GNB1L: variants seen among roughly 807,000 people sequenced by gnomAD.
The protein encoded by GNB1L is G protein subunit beta 1 like.
A neutral mutation model predicts 29.1 loss-of-function variants in GNB1L; 20 were observed. The ratio of observed to expected loss-of-function variants is 0.69; its 90% confidence interval spans 0.48 to 1.00. The LOEUF is 1.00. Ranked by LOEUF, GNB1L falls within the 50% of genes least tolerant of loss-of-function variation. The pLI is 0.00. For synonymous variants in GNB1L, 193 were observed against 206.5 expected (o/e 0.93, Z 0.56); for missense variants, 421 against 464.9 (o/e 0.91, Z 0.87).
chr22:19,790,585 G>C (rs1937242867), intron 7 of GNB1L, among the ~76,000 whole-genome samples: 1 of 152,204 alleles, frequency 6.6e-6, no homozygotes, highest in Non-Finnish European at 1.5e-5. Flanking sequence ...GCAAAGACAG[G>C]AGGATTGCTT....
intron 2 of GNB1L, among the ~76,000 whole-genome samples, chr22:19,835,660 C>T (rs919893006): frequency 4.0e-5 from 6 of 151,134 alleles, no homozygotes; most frequent in African/African-American, 1.2e-4. Flanking sequence ...GGCGACAGAG[C>T]GAGACTCTGT....
chr22:19,839,437 C>T (rs761610784), intron 2 of GNB1L, among the ~76,000 whole-genome samples: 9 of 152,020 alleles, frequency 5.9e-5, no homozygotes, highest in Non-Finnish European at 1.2e-4. Flanking sequence ...TATATACCTA[C>T]GGGAAAGTTT....
intron 7 of GNB1L, among the ~76,000 whole-genome samples, chr22:19,794,427 G>T (rs1033003315): frequency 2.6e-5 from 4 of 152,158 alleles, no homozygotes; most frequent in African/African-American, 7.2e-5. Flanking sequence ...CTTTGAGAAG[G>T]TTGCACACTC....
In GNB1L at chr22:19,788,218, A is replaced by G; in HGVS notation, c.*491T>C. The G allele has an allele frequency of 3.4e-6, 1 of 290,054 alleles. No individual in the cohort carries two copies. The highest frequency in any genetic ancestry group is 6.5e-6 in the Non-Finnish European group (1 of 154,170). The allele number at this position is 290,054 out of a possible 1,614,324, so 18.0% of individuals were successfully genotyped here. A position where few individuals can be genotyped will look rare whatever the true frequency, so the allele number is the denominator to read the frequency against. Reference sequence around the variant, plus strand: ...CCTGGCCTCCTCGGGGTGAGGGGTCATGTGGACATCGACGCAGCTATGGTT... The same window carrying G: ...CCTGGCCTCCTCGGGGTGAGGGGTCGTGTGGACATCGACGCAGCTATGGTT... On this transcript the variant is annotated 3_prime_UTR_variant, in exon 8 of 8. Transcript: ENST00000329517.
rs770713977 is a variant in GNB1L at position 19,802,183 on chromosome 22, C to A, written c.550G>T (p.Gly184Cys). The stretch of plus-strand genomic sequence containing the variant: ...AGGACCACCGATCCATCCTCATAGC[C>A]GGCCAGAAGGAGTGGGCGGGAGCTG... ...DCSSRPLLLA[G>C]YEDGSVVLWD... The change falls in exon 7 of 8, where the codon GGC becomes TGC. Residue 184 changes from glycine (G) to cysteine (C), a missense_variant. Gly to Cys is a radical substitution (Grantham distance 159). Coordinates refer to ENST00000329517, the MANE Select transcript of GNB1L (RefSeq NM_053004.3). The A allele has an allele frequency of 1.2e-6, 2 of 1,613,150 alleles. No individual in the cohort carries two copies. The highest frequency in any genetic ancestry group is 1.7e-5 in the Admixed American group (1 of 60,018).
At chr22:19,824,236 C>A (rs1488300527) in intron 2 of GNB1L, among the ~76,000 whole-genome samples, 1 of 152,246 alleles carries the variant, frequency 6.6e-6, no homozygotes, top group Admixed American at 6.5e-5. Flanking sequence ...ATGACAATAT[C>A]CTAGGATTGC....
chr22:19,783,300 CCCA>C lies in GNB1L; in HGVS notation c.*5406_*5408del. 1 of 436,482 alleles carries C rather than the reference CCCA, an allele frequency of 2.3e-6. No individual in the cohort carries two copies. Among genetic ancestry groups the C allele is most frequent in the South Asian group, 2.1e-5 (1 of 48,050 alleles). 27.0% of individuals were successfully genotyped at this position (436,482 alleles called of 1,614,324 possible). On this transcript the variant is annotated 3_prime_UTR_variant, in exon 8 of 8. Transcript: ENST00000329517. The stretch of plus-strand genomic sequence containing the variant: ...GCCAAATGACTCGATTTCTCTACAC[CCCA>C]CATTTTACAGGTTTCAGAGCCCAAG...
chr22:19,837,588 C>T (rs1412742550), intron 2 of GNB1L, among the ~76,000 whole-genome samples: 1 of 152,174 alleles, frequency 6.6e-6, no homozygotes, highest in Non-Finnish European at 1.5e-5. Context: ...CTGACCATTC[C>T]AGTTGCTGGA....
At chr22:19,848,003 A>G (rs1260919040) in intron 2 of GNB1L, 1 of 985,140 alleles carries the variant, frequency 1.0e-6, no homozygotes, top group Non-Finnish European at 1.2e-6. Flanking sequence ...AGCCTGTACT[A>G]AATTTCCATA....
chr22:19,838,375 C>G (rs1029293038), intron 2 of GNB1L, among the ~76,000 whole-genome samples: 1 of 152,194 alleles, frequency 6.6e-6, no homozygotes, highest in Admixed American at 6.5e-5. Flanking sequence ...GCTGGCAATA[C>G]TGTGGGGCAA....
At chr22:19,817,801 G>C (rs1937542930) in intron 4 of GNB1L, among the ~76,000 whole-genome samples, 1 of 152,200 alleles carries the variant, frequency 6.6e-6, no homozygotes, top group Non-Finnish European at 1.5e-5. Flanking sequence ...ACTGGAAGGT[G>C]GTTGCTCAGG....
chr22:19,813,829 CT>C (rs904310054), intron 4 of GNB1L, among the ~76,000 whole-genome samples: 7 of 152,082 alleles, frequency 4.6e-5, no homozygotes, highest in African/African-American at 1.4e-4. Context: ...ACCCCTGTTT[CT>C]ACAAAAGACA....
At chr22:19,789,218 A>G (rs984190599) in intron 7 of GNB1L, among the ~76,000 whole-genome samples, 3 of 152,178 alleles carry the variant, frequency 2.0e-5, no homozygotes, top group African/African-American at 7.2e-5. Context: ...CCCCAGTCAG[A>G]GAGCAGCAGA....
Position 19,783,920 on chromosome 22 carries a change from C to T in GNB1L, c.*4789G>A, listed in dbSNP as rs1937166963. On this transcript the variant is annotated 3_prime_UTR_variant, in exon 8 of 8. Coordinates refer to ENST00000329517, the MANE Select transcript of GNB1L (RefSeq NM_053004.3). ...GACAGAGGGTCTCAAGGACTCTCCA[C>T]CCACAAGGCGGGAATGGGGATGCTG... 6.6e-6 allele frequency: 1 copy of T among 152,350 alleles called. No homozygotes were observed. Among genetic ancestry groups the T allele is most frequent in the Admixed American group, 6.5e-5 (1 of 15,286 alleles). The allele number at this position is 152,350 out of a possible 1,614,324, so 9.4% of individuals were successfully genotyped here.
intron 2 of GNB1L, among the ~76,000 whole-genome samples, chr22:19,822,123 G>T (rs1185958954): frequency 6.6e-6 from 1 of 152,140 alleles, no homozygotes; most frequent in Admixed American, 6.5e-5. Flanking sequence ...ATTTCTAACC[G>T]CTATCACCAC....
intron 6 of GNB1L, among the ~76,000 whole-genome samples, chr22:19,805,698 C>T (rs935997920): frequency 2.0e-5 from 3 of 152,078 alleles, no homozygotes; most frequent in Non-Finnish European, 2.9e-5. Flanking sequence ...AGGAGAATGG[C>T]GTGAACCCAG....
chr22:19,818,721 T>A (rs1937555120), intron 4 of GNB1L, among the ~76,000 whole-genome samples: 1 of 152,160 alleles, frequency 6.6e-6, no homozygotes, highest in African/African-American at 2.4e-5. Flanking sequence ...TTCTGGGCTG[T>A]GATGGTGATG....
intron 7 of GNB1L, among the ~76,000 whole-genome samples, chr22:19,798,731 C>G (rs1412156116): frequency 6.6e-6 from 1 of 152,134 alleles, no homozygotes; most frequent in Admixed American, 6.5e-5. Flanking sequence ...GTGACAGCAT[C>G]AAGGTAAAGA....
chr22:19,848,560 G>A, intron 2 of GNB1L: 2 of 985,490 alleles, frequency 2.0e-6, no homozygotes, highest in Non-Finnish European at 2.4e-6. Flanking sequence ...CAGGAAACCT[G>A]GACATCACCA....
Sources: gnomAD v4.1 joint callset for allele counts (sites outside exome capture counted in the v4.1 genomes callset) on GRCh38, gnomAD v4.1.1 for gene constraint, MANE v1.5 for transcripts, NCBI Gene and HGNC (gene_info 2026-07-23, HGNC 2026-07-21) for gene names.